The following NARS2 variants were observed in gnomAD, a reference collection of about 807,000 sequenced individuals.
NARS2 encodes asparaginyl-tRNA synthetase 2, mitochondrial.
NARS2 carries 60 observed loss-of-function variants against 62.9 expected under a neutral mutation model. That is an observed-to-expected ratio of 0.95 (90% CI 0.77 to 1.18). The LOEUF is 1.18. Ranked by LOEUF, NARS2 falls within the 50% of genes most tolerant of loss-of-function variation. The pLI is 0.00. For synonymous variants in NARS2, 196 were observed against 200.0 expected, an observed-to-expected ratio of 0.98 and a Z score of 0.17; for missense variants, 619 against 576.4, an observed-to-expected ratio of 1.07 and a Z score of -0.76.
intron 11 of NARS2, among the ~76,000 whole-genome samples, chr11:78,448,319 CTTTT>C (rs72450922): frequency 1.4e-5 from 2 of 141,014 alleles, no homozygotes. Context: ...GTAGTAATCA[CTTTT>C]TTTTTTTTTT....
At position 78,574,492 on chromosome 11, in the gene NARS2, G is replaced by A; in HGVS notation, c.-4C>T. 6.2e-7 allele frequency: 1 copy of A among 1,608,054 alleles called. No individual in the cohort carries two copies. The highest frequency in any genetic ancestry group is 1.1e-5 in the South Asian group (1 of 90,774). On this transcript the variant is annotated 5_prime_UTR_variant, in exon 1 of 14. Transcript: ENST00000281038. ...GCAGGCAGCGGACCCCCAGCATCCC[G>A]CGTCCGCCCAGGCCCTCCGCGGGAG...
At chr11:78,543,143 A>G (rs773328602) in intron 5 of NARS2, among the ~76,000 whole-genome samples, 11 of 152,138 alleles carry the variant, frequency 7.2e-5, no homozygotes, top group Admixed American at 2.0e-4. Flanking sequence ...GTGCCACTGC[A>G]CTCTAGCCTG....
intron 4 of NARS2, among the ~76,000 whole-genome samples, chr11:78,561,024 A>G (rs889372361): frequency 6.6e-6 from 1 of 152,234 alleles, no homozygotes; most frequent in Non-Finnish European, 1.5e-5. Flanking sequence ...ACGGCTAAAC[A>G]TGATTGCCCA....
intron 9 of NARS2, among the ~76,000 whole-genome samples, chr11:78,476,610 C>T (rs545669493): frequency 6.6e-6 from 1 of 152,328 alleles, no homozygotes; most frequent in African/African-American, 2.4e-5. Context: ...AATGGACTTT[C>T]TGTGGTGAAG....
intron 5 of NARS2, among the ~76,000 whole-genome samples, chr11:78,544,430 G>C (rs1184740463): frequency 6.6e-6 from 1 of 152,120 alleles, no homozygotes; most frequent in African/African-American, 2.4e-5. Flanking sequence ...AATATGCTCT[G>C]AATTTTCCAG....
At chr11:78,507,063 A>C (rs1286382889) in intron 6 of NARS2, among the ~76,000 whole-genome samples, 3 of 151,962 alleles carry the variant, frequency 2.0e-5, no homozygotes, top group Non-Finnish European at 4.4e-5. Context: ...GATCCTCCAA[A>C]TACTGGGAAT....
intron 13 of NARS2, among the ~76,000 whole-genome samples, chr11:78,439,322 A>G (rs1002264771): frequency 6.6e-6 from 1 of 152,136 alleles, no homozygotes; most frequent in Non-Finnish European, 1.5e-5. Flanking sequence ...TACAGCCGTG[A>G]GCCACCGCAC....
chr11:78,456,516 C>A (rs1170747654), intron 11 of NARS2, among the ~76,000 whole-genome samples: 1 of 152,104 alleles, frequency 6.6e-6, no homozygotes, highest in African/African-American at 2.4e-5. Context: ...TATTTTGATG[C>A]AGGTTGGTTA....
At chr11:78,516,171 GTATAA>G (rs1291296225) in intron 6 of NARS2, among the ~76,000 whole-genome samples, 3 of 152,198 alleles carry the variant, frequency 2.0e-5, no homozygotes, top group Non-Finnish European at 2.9e-5. Flanking sequence ...ATTTATTCAA[GTATAA>G]TATATCAAAC....
At chr11:78,442,234 A>G (rs553767525) in intron 12 of NARS2, among the ~76,000 whole-genome samples, 6 of 152,368 alleles carry the variant, frequency 3.9e-5, no homozygotes, top group Admixed American at 2.0e-4. Context: ...TTTAAAAAAC[A>G]TAGAGAATAC....
chr11:78,551,243 T>C (rs1259212233), intron 5 of NARS2, among the ~76,000 whole-genome samples: 1 of 152,216 alleles, frequency 6.6e-6, no homozygotes, highest in Non-Finnish European at 1.5e-5. Flanking sequence ...ACTAGGTAAT[T>C]TCACTGTTGT....
intron 5 of NARS2, among the ~76,000 whole-genome samples, chr11:78,548,509 A>T (rs1009863109): frequency 6.6e-6 from 1 of 152,230 alleles, no homozygotes; most frequent in African/African-American, 2.4e-5. Context: ...TAGAATGCAC[A>T]ACAGTTTAGA....
chr11:78,516,700 C>A (rs1344765382), intron 6 of NARS2, among the ~76,000 whole-genome samples: 7 of 152,048 alleles, frequency 4.6e-5, no homozygotes, highest in African/African-American at 1.7e-4. Flanking sequence ...CAAAGAGGAA[C>A]AAGATACAGA....
intron 10 of NARS2, among the ~76,000 whole-genome samples, chr11:78,466,301 C>G (rs965533250): frequency 4.7e-5 from 7 of 148,114 alleles, no homozygotes; most frequent in Non-Finnish European, 9.0e-5. Context: ...AATACAGCAC[C>G]TGCAGGAAAA....
chr11:78,569,556 TTATTG>T (rs1856849933), intron 2 of NARS2, among the ~76,000 whole-genome samples: 1 of 152,144 alleles, frequency 6.6e-6, no homozygotes, highest in Non-Finnish European at 1.5e-5. Context: ...ACAATAAATT[TTATTG>T]AAGTAAATAA....
chr11:78,471,748 T>C (rs562894510), intron 9 of NARS2, among the ~76,000 whole-genome samples: 61 of 139,936 alleles, frequency 4.4e-4, no homozygotes, highest in East Asian at 1.3e-3. Context: ...TGTGATCTCA[T>C]TGTTCAATTC....
At position 78,574,659 on chromosome 11, in the gene NARS2, C is replaced by A; in HGVS notation, c.-171G>T. On this transcript the variant is annotated 5_prime_UTR_variant, in exon 1 of 14. Coordinates refer to ENST00000281038, the MANE Select transcript of NARS2 (RefSeq NM_024678.6). ...TCTCCTTCAGGACTCCCAGCTCTGTCCCCACAGAACCTCTCCGCTTCCCAC... is the reference window on the plus strand; with the variant it reads ...TCTCCTTCAGGACTCCCAGCTCTGTACCCACAGAACCTCTCCGCTTCCCAC... The A allele has an allele frequency of 1.5e-6, 1 of 655,658 alleles. No homozygotes were observed. Among genetic ancestry groups the A allele is most frequent in the Non-Finnish European group, 2.5e-6 (1 of 394,258 alleles). The allele number at this position is 655,658 out of a possible 1,614,324, so 40.6% of individuals were successfully genotyped here.
At chr11:78,500,821 G>A (rs374347871) in intron 6 of NARS2, among the ~76,000 whole-genome samples, 1 of 152,118 alleles carries the variant, frequency 6.6e-6, no homozygotes, top group Non-Finnish European at 1.5e-5. Context: ...GGCCGCACAC[G>A]GTGGCTCATG....
At chr11:78,541,009 ATTAGCCAGGCGTGGTGGC>A (rs1855594418) in intron 5 of NARS2, among the ~76,000 whole-genome samples, 2 of 152,150 alleles carry the variant, frequency 1.3e-5, no homozygotes, top group South Asian at 4.1e-4. Flanking sequence ...AAATACAAAA[ATTAGCCAGGCGTGGTGGC>A]GCACGCCTGT....
Sources: allele counts gnomAD v4.1 joint callset (sites outside exome capture counted in the v4.1 genomes callset), GRCh38; gene constraint gnomAD v4.1.1; transcripts MANE v1.5; gene names NCBI Gene and HGNC (gene_info 2026-07-23, HGNC 2026-07-21).